NIN: variants seen among roughly 807,000 people sequenced by gnomAD.
NIN encodes the protein glycogen synthase kinase 3 beta-interacting protein.
NIN carries 137 observed loss-of-function variants against 257.6 expected under a neutral mutation model. The ratio of observed to expected loss-of-function variants is 0.53; its 90% CI spans 0.46 to 0.61. NIN has a LOEUF of 0.61. NIN is among the 20% of genes least tolerant of loss of function. The pLI, the probability that NIN is intolerant of heterozygous loss-of-function variation, is 0.00. For synonymous variants in NIN, 918 were observed against 919.8 expected (o/e 1.00, Z 0.04); for missense variants, 2,439 against 2,501.2 (o/e 0.98, Z 0.53).
intron 17 of NIN, among the ~76,000 whole-genome samples, chr14:50,759,265 CT>C (rs781691872): frequency 2.2e-4 from 33 of 152,300 alleles, no homozygotes; most frequent in Non-Finnish European, 3.8e-4. Flanking sequence ...GAAGGAACCA[CT>C]TTTGGGATAA....
rs776581628 is a variant in NIN, at chr14:50,752,518, C to T, written c.4950G>A (p.Gln1650=). The T allele has an allele frequency of 1.2e-6, 2 of 1,612,156 alleles. No individual in the cohort carries two copies. The highest frequency in any genetic ancestry group is 2.7e-5 in the African/African-American group (2 of 74,882). ...GCTGTCAGGTGGCTACAGGCCATACCTGCACTTTACAACGTTCCAGTTCTT... is the reference window on the plus strand; with the variant it reads ...GCTGTCAGGTGGCTACAGGCCATACTTGCACTTTACAACGTTCCAGTTCTT... ...LKEELERCKV[Q]SSTLVSSLEA... The change falls in exon 21 of 31, where the codon CAG becomes CAA. Residue 1650 remains glutamine (Q), a splice_region_variant and synonymous_variant. Transcript: ENST00000530997.
chr14:50,744,555 T>C (rs1595747221), intron 22 of NIN, among the ~76,000 whole-genome samples, 190 bp from the exon 23 acceptor site: 1 of 152,174 alleles, frequency 6.6e-6, no homozygotes, highest in Non-Finnish European at 1.5e-5. Context: ...TGATTCCCAG[T>C]TGACTGTTGA....
At chr14:50,805,356 T>C (rs1285342178) in intron 4 of NIN, among the ~76,000 whole-genome samples, 21 of 152,196 alleles carry the variant, frequency 1.4e-4, no homozygotes, top group Admixed American at 1.4e-3. Context: ...GTGGAAACGC[T>C]AATGTTTGTC....
Position 50,766,390 on chromosome 14 carries a change from C to T in NIN, c.1552G>A (p.Asp518Asn). ...AACTCAGCACTGCTAGGATCGAGGT[C>T]ACCAAACTAGAAGGGGAAAAGGGCA... The part of the protein sequence containing the change: ...LENVLAEKFG[D>N]LDPSSAEFFL... Residue 518 changes from aspartate to asparagine, a missense_variant, in exon 14 of 31, where the codon GAC becomes AAC. Physicochemically the swap from Asp to Asn is conservative, Grantham distance 23 (BLOSUM62 1). Around this residue, in one of 3 missense-constraint regions of NIN, gnomAD observed 2,043 missense variants for 2,050.2 expected, o/e 1.00. Coordinates refer to ENST00000530997, the MANE Select transcript of NIN (RefSeq NM_020921.4). The T allele has an allele frequency of 6.2e-7, 1 of 1,614,112 alleles. No homozygotes were observed. Among genetic ancestry groups the T allele is most frequent in the Non-Finnish European group, 8.5e-7 (1 of 1,179,984 alleles).
intron 5 of NIN, among the ~76,000 whole-genome samples, chr14:50,786,362 T>C (rs2043347577): frequency 1.4e-5 from 2 of 138,100 alleles, no homozygotes; most frequent in Non-Finnish European, 3.0e-5. Flanking sequence ...AGTTAGAAGA[T>C]AAATATTAGA....
chr14:50,735,516 C>T lies in NIN; in HGVS notation c.5877G>A (p.Glu1959=). 6.2e-7 allele frequency: 1 copy of T among 1,612,616 alleles called. No individual in the cohort carries two copies. Among genetic ancestry groups the T allele is most frequent in the Non-Finnish European group, 8.5e-7 (1 of 1,179,828 alleles). The change falls in exon 28 of 31, where the codon GAG becomes GAA. Residue 1959 remains glutamate, a splice_region_variant and synonymous_variant. Transcript: ENST00000530997. ...TAAGGCCATCTGCTGAGAAACTTAC[C>T]TCCATGAGCTGCTCATCCAGTTTTA... ...KQVKLDEQLM[E]MQHLRSTATP...
At chr14:50,778,704 G>T in intron 6 of NIN, 61 bp downstream of exon 6, 2 of 1,442,620 alleles carry the variant, frequency 1.4e-6, no homozygotes, top group Non-Finnish European at 2.0e-6. Flanking sequence ...GAAAGACCGG[G>T]TGTGGAGAGC....
At chr14:50,807,757 T>C (rs2044395211) in intron 3 of NIN, among the ~76,000 whole-genome samples, 1 of 152,220 alleles carries the variant, frequency 6.6e-6, no homozygotes, top group Non-Finnish European at 1.5e-5. Context: ...CAAACTTCAT[T>C]AGTTATTGAA....
At position 50,729,500 on chromosome 14, in the gene NIN, CTAGAG is replaced by C. The variant is rs778889166; in HGVS notation, c.6078+18_6078+22del. The C allele has an allele frequency of 2.3e-4, 374 of 1,601,526 alleles. No homozygotes were observed. Among genetic ancestry groups the C allele is most frequent in the Admixed American group, 3.7e-4 (22 of 58,750 alleles). On this transcript the variant is annotated intron_variant, in intron 29 of 30. Transcript: ENST00000530997. ...ACAGGTAAAATTAACAGGTGATCTACTAGAGTAGAGAGAGCTTCATACCTGTGGTG... is the reference window on the plus strand; with the variant it reads ...ACAGGTAAAATTAACAGGTGATCTACTAGAGAGAGCTTCATACCTGTGGTG...
At chr14:50,728,241 G>C (rs1285414977) in intron 29 of NIN, among the ~76,000 whole-genome samples, 2 of 152,130 alleles carry the variant, frequency 1.3e-5, no homozygotes, top group African/African-American at 4.8e-5. Flanking sequence ...TGAGATCAAA[G>C]TTTTGTAGTT....
At chr14:50,821,804 G>T (rs373688094) in intron 3 of NIN, 70 bp downstream of exon 3, 2 of 1,283,294 alleles carry the variant, frequency 1.6e-6, no homozygotes, top group Non-Finnish European at 2.2e-6. Flanking sequence ...TGTGTGGTCC[G>T]CCCCACCCCC....
chr14:50,744,421 AG>A, intron 22 of NIN, 56 bp from the exon 23 acceptor site: 1 of 1,586,048 alleles, frequency 6.3e-7, no homozygotes, highest in Non-Finnish European at 8.6e-7. Context: ...GTAAGTACAA[AG>A]GGGTATTTCT....
intron 17 of NIN, 125 bp downstream of exon 17, chr14:50,759,732 G>GC: frequency 1.0e-6 from 1 of 966,080 alleles, no homozygotes; most frequent in South Asian, 1.6e-5. Flanking sequence ...CTCGTGATCC[G>GC]CCCACCTCGG....
At chr14:50,777,280 G>C in intron 6 of NIN, 141 bp from the exon 7 acceptor site, 1 of 681,476 alleles carries the variant, frequency 1.5e-6, no homozygotes, top group Non-Finnish European at 2.4e-6. Flanking sequence ...ATTTGGTCCT[G>C]AAGCTCCCAT....
At chr14:50,727,361 TA>T in intron 29 of NIN, 2 of 998,060 alleles carry the variant, frequency 2.0e-6, no homozygotes, top group Non-Finnish European at 2.4e-6. Context: ...TACCTTTGGT[TA>T]AAAATAGTTA....
intron 6 of NIN, among the ~76,000 whole-genome samples, 198 bp from the exon 7 acceptor site, chr14:50,777,337 C>CT (rs1299495538): frequency 1.3e-5 from 2 of 152,178 alleles, no homozygotes; most frequent in Non-Finnish European, 2.9e-5. Flanking sequence ...TAAATGGGTA[C>CT]TTTTTGGCTC....
intron 5 of NIN, among the ~76,000 whole-genome samples, chr14:50,780,037 G>GCCC (rs1168732989): frequency 6.6e-6 from 1 of 152,202 alleles, no homozygotes; most frequent in East Asian, 1.9e-4. Context: ...GCATAAAAGT[G>GCCC]CCCCGCTAAG....
intron 14 of NIN, among the ~76,000 whole-genome samples, 198 bp downstream of exon 14, chr14:50,766,109 A>C (rs1385840524): frequency 2.0e-5 from 3 of 151,074 alleles, no homozygotes; most frequent in Non-Finnish European, 1.5e-5. Flanking sequence ...TGCTCTAAGC[A>C]CTTTACATAT....
chr14:50,790,955 T>C (rs555277499), intron 5 of NIN, among the ~76,000 whole-genome samples: 3 of 152,344 alleles, frequency 2.0e-5, no homozygotes, highest in East Asian at 3.9e-4. Context: ...TTTCTGCGTA[T>C]TCCTAGATGA....
Sources: allele counts gnomAD v4.1 joint callset (sites outside exome capture counted in the v4.1 genomes callset), GRCh38; gene constraint gnomAD v4.1.1; regional missense constraint gnomAD v4.1.1; transcripts MANE v1.5; gene names NCBI Gene and HGNC (gene_info 2026-07-23, HGNC 2026-07-21).